TTLL7: variants seen among roughly 807,000 people sequenced by gnomAD.
The protein encoded by TTLL7 is tubulin polyglutamylase TTLL7.
In TTLL7, 53 loss-of-function variants were observed where a neutral mutation model predicts 120.2. The ratio of observed to expected loss-of-function variants is 0.44; its 90% confidence interval spans 0.35 to 0.55. The LOEUF is 0.55. Among genes scored for constraint, TTLL7 ranks in the 20% least tolerant of loss-of-function variants. The pLI is 0.00. For missense variants in TTLL7, 803 were observed against 1,054.7 expected, an observed-to-expected ratio of 0.76 and a Z score of 3.31; for synonymous variants, 353 against 351.7, an observed-to-expected ratio of 1.00 and a Z score of -0.04.
intron 1 of TTLL7, among the ~76,000 whole-genome samples, chr1:83,983,235 G>T (rs113154190): frequency 2.5e-3 from 385 of 152,236 alleles, no homozygotes; most frequent in African/African-American, 8.9e-3. Flanking sequence ...AGAGGCTGAG[G>T]CATGAGAATC....
intron 1 of TTLL7, among the ~76,000 whole-genome samples, chr1:83,969,957 C>T (rs1275725430): frequency 6.6e-6 from 1 of 151,936 alleles, no homozygotes; most frequent in African/African-American, 2.4e-5. Flanking sequence ...TAAGCCTAAA[C>T]AAATATGCCT....
At position 83,936,443 on chromosome 1, in the gene TTLL7, T is replaced by C. The variant is rs116684948; in HGVS notation, c.888+1409A>G. 9.5e-3 allele frequency among the ~76,000 whole-genome samples: 1,448 copies of C among 152,278 alleles called. 22 individuals are homozygous for C. The highest frequency in any genetic ancestry group is 0.033 in the African/African-American group (1,375 of 41,546). On this transcript the variant is annotated intron_variant, in intron 8 of 20. Coordinates refer to ENST00000260505, the MANE Select transcript of TTLL7 (RefSeq NM_024686.6). ...ATTGGAATTATCATCAGATGGAAGATAGTATGATCTTCCATCAATGAACTA... is the reference window on the plus strand; with the variant it reads ...ATTGGAATTATCATCAGATGGAAGACAGTATGATCTTCCATCAATGAACTA...
At chr1:83,870,114 A>G (rs959797961) in intron 20 of TTLL7, 32 bp from the exon 21 acceptor site, 1 of 1,531,778 alleles carries the variant, frequency 6.5e-7, no homozygotes, top group Non-Finnish European at 8.7e-7. Context: ...TTAGATTTTT[A>G]CAAGCAAATT....
At position 83,952,242 on chromosome 1, in the gene TTLL7, T is replaced by C. The variant is rs1401211789; in HGVS notation, c.-31A>G. The C allele has an allele frequency of 2.5e-6, 4 of 1,613,528 alleles. No individual in the cohort carries two copies. The highest frequency in any genetic ancestry group is 8.5e-7 in the Non-Finnish European group (1 of 1,179,680). On this transcript the variant is annotated 5_prime_UTR_variant, in exon 2 of 21. Coordinates refer to ENST00000260505, the MANE Select transcript of TTLL7 (RefSeq NM_024686.6). ...CCTGTGCTGATTAGCAAGCAGTGTG[T>C]GCTGCTGTACCAAGCTCTCAGGAAA...
intron 10 of TTLL7, among the ~76,000 whole-genome samples, chr1:83,925,133 A>C (rs772885111): frequency 6.6e-6 from 1 of 152,120 alleles, no homozygotes; most frequent in Non-Finnish European, 1.5e-5. Flanking sequence ...CATCCATTAG[A>C]TTCAAGGGCA....
chr1:83,945,786 A>G (rs1648435425), intron 6 of TTLL7, among the ~76,000 whole-genome samples: 1 of 151,926 alleles, frequency 6.6e-6, no homozygotes, highest in South Asian at 2.1e-4. Flanking sequence ...TTTTAACATT[A>G]AAATTGAGAA....
intron 18 of TTLL7, 142 bp downstream of exon 18, chr1:83,903,937 C>T (rs1656956506): frequency 1.5e-6 from 1 of 684,792 alleles, no homozygotes. Context: ...GTGCCTGACA[C>T]ATAATAGATA....
chr1:83,968,248 C>CA (rs933788757), intron 1 of TTLL7, among the ~76,000 whole-genome samples: 43 of 151,898 alleles, frequency 2.8e-4, no homozygotes, highest in African/African-American at 1.0e-3. Flanking sequence ...TATTATTGGA[C>CA]AAAAAACAAA....
chr1:83,943,468 G>T (rs1004572799), intron 6 of TTLL7, among the ~76,000 whole-genome samples: 1 of 152,114 alleles, frequency 6.6e-6, no homozygotes, highest in African/African-American at 2.4e-5. Flanking sequence ...CATGTTAAAG[G>T]CATGTCCCAA....
intron 19 of TTLL7, among the ~76,000 whole-genome samples, chr1:83,889,204 G>A (rs1289895637): frequency 6.6e-6 from 1 of 151,928 alleles, no homozygotes; most frequent in Non-Finnish European, 1.5e-5. Flanking sequence ...CCAAGTAAAA[G>A]GGGGAAAAGC....
At chr1:83,939,871 G>A (rs886234162) in intron 7 of TTLL7, among the ~76,000 whole-genome samples, 16 of 152,126 alleles carry the variant, frequency 1.1e-4, no homozygotes, top group African/African-American at 2.6e-4. Context: ...GTAAGCTGCC[G>A]TCCAGAAACA....
At chr1:83,904,297 A>T (rs1657001310) in intron 17 of TTLL7, 138 bp from the exon 18 acceptor site, 1 of 634,468 alleles carries the variant, frequency 1.6e-6, no homozygotes. Context: ...AAGATTTCTA[A>T]TACAAATTAA....
At chr1:83,913,403 T>C (rs1459007724) in intron 14 of TTLL7, among the ~76,000 whole-genome samples, 1 of 152,232 alleles carries the variant, frequency 6.6e-6, no homozygotes, top group East Asian at 1.9e-4. Context: ...TTATTATTTA[T>C]GTAGCTAATG....
chr1:83,886,984 TC>T (rs1445045620), intron 19 of TTLL7, among the ~76,000 whole-genome samples: 3 of 151,966 alleles, frequency 2.0e-5, no homozygotes, highest in African/African-American at 7.2e-5. Context: ...ATCATAACAT[TC>T]CCAGGAGGCT....
chr1:83,978,729 T>C (rs10493743), intron 1 of TTLL7, among the ~76,000 whole-genome samples: 7,135 of 152,138 alleles, frequency 0.047, 229 homozygotes, highest in Middle Eastern at 0.11. Flanking sequence ...GAGAAGTAAA[T>C]GAGAATGATA....
At chr1:83,974,019 C>A (rs893242258) in intron 1 of TTLL7, among the ~76,000 whole-genome samples, 1 of 152,024 alleles carries the variant, frequency 6.6e-6, no homozygotes, top group African/African-American at 2.4e-5. Context: ...GCGGTTCACT[C>A]TATATATGTT....
chr1:83,968,021 CA>C (rs1650640135), intron 1 of TTLL7, among the ~76,000 whole-genome samples: 1 of 152,036 alleles, frequency 6.6e-6, no homozygotes, highest in African/African-American at 2.4e-5. Flanking sequence ...CGTTCCCACA[CA>C]CCACCACCCT....
chr1:83,997,427 T>A (rs1017195349), intron 1 of TTLL7, among the ~76,000 whole-genome samples: 1 of 152,202 alleles, frequency 6.6e-6, no homozygotes, highest in Admixed American at 6.5e-5. Context: ...AAGGTCAATA[T>A]AATTGTTGAC....
At chr1:83,886,509 T>C (rs1044543749) in intron 19 of TTLL7, among the ~76,000 whole-genome samples, 4 of 152,040 alleles carry the variant, frequency 2.6e-5, no homozygotes, top group African/African-American at 9.7e-5. Context: ...TTAAGTAGTC[T>C]ATATATTATG....
Sources: gnomAD v4.1 joint callset for allele counts (sites outside exome capture counted in the v4.1 genomes callset) on GRCh38, gnomAD v4.1.1 for gene constraint, MANE v1.5 for transcripts, NCBI Gene and HGNC (gene_info 2026-07-23, HGNC 2026-07-21) for gene names.